COL25A1: variants seen among roughly 807,000 people sequenced by gnomAD.
COL25A1 encodes the protein collagen type XXV alpha 1 chain.
COL25A1 carries 103 observed loss-of-function variants against 128.4 expected under a neutral mutation model. The ratio of observed to expected loss-of-function variants is 0.80; its 90% CI spans 0.68 to 0.94. COL25A1 has a LOEUF of 0.94. Among genes scored for constraint, COL25A1 ranks in the 40% least tolerant of loss-of-function variants. The probability of loss-of-function intolerance (pLI) is 0.00; values close to 1 mark genes in which losing one functional copy is unlikely to be tolerated. For synonymous variants in COL25A1, 279 were observed against 277.2 expected, an observed-to-expected ratio of 1.01 and a Z score of -0.06; for missense variants, 745 against 840.0, an observed-to-expected ratio of 0.89 and a Z score of 1.40.
chr4:108,969,873 T>C (rs1193585193), intron 8 of COL25A1, among the ~76,000 whole-genome samples: 2 of 151,666 alleles, frequency 1.3e-5, no homozygotes, highest in African/African-American at 4.8e-5. Context: ...AATTGTATTC[T>C]ATAGCAGATG....
chr4:109,060,618 T>C (rs968022584), intron 3 of COL25A1, among the ~76,000 whole-genome samples: 3 of 151,782 alleles, frequency 2.0e-5, no homozygotes, highest in African/African-American at 7.3e-5. Flanking sequence ...CTCTCATTTG[T>C]CTAGGAAGTC....
At chr4:108,837,281 T>C (rs1379960023) in intron 31 of COL25A1, among the ~76,000 whole-genome samples, 3 of 152,174 alleles carry the variant, frequency 2.0e-5, no homozygotes, top group Non-Finnish European at 4.4e-5. Flanking sequence ...GTGTATAAAC[T>C]ATATTCTGTT....
rs569147899 is a variant in COL25A1, at chr4:108,847,676, T to C, written c.1434+1083A>G. On this transcript the variant is annotated intron_variant, in intron 27 of 37. Coordinates refer to ENST00000399132, the MANE Select transcript of COL25A1 (RefSeq NM_198721.4). ...CAAATTAATTGCTTATAATGACCAA[T>C]GGTCAGAGAAGTAACATAGACAGAC... 5.9e-5 allele frequency among the ~76,000 whole-genome samples: 9 copies of C among 152,278 alleles called. No individual in the cohort carries two copies. In the South Asian group the frequency reaches 1.9e-3, roughly 32 times the overall value.
rs372549266 is a variant in COL25A1, at chr4:109,044,942, T to A, written c.420+3226A>T. Among the ~76,000 whole-genome samples the A allele has an allele frequency of 1.5e-4, 23 of 152,208 alleles. No homozygotes were observed. In the South Asian group the frequency reaches 4.6e-3, roughly 30 times the overall value. On this transcript the variant is annotated intron_variant, in intron 5 of 37. Coordinates refer to ENST00000399132, the MANE Select transcript of COL25A1 (RefSeq NM_198721.4). Reference sequence around the variant, plus strand: ...TACAGTTGACCTTAAACAGCATGGGTTTGAACCACATTGGTCCACTTATAT... The same window carrying A: ...TACAGTTGACCTTAAACAGCATGGGATTGAACCACATTGGTCCACTTATAT...
At chr4:108,958,029 G>C (rs950022072) in intron 8 of COL25A1, among the ~76,000 whole-genome samples, 1 of 151,896 alleles carries the variant, frequency 6.6e-6, no homozygotes, top group Non-Finnish European at 1.5e-5. Flanking sequence ...CTACCATATA[G>C]GATTCTATTT....
chr4:108,915,213 A>G (rs1744728463), intron 13 of COL25A1, among the ~76,000 whole-genome samples: 1 of 152,244 alleles, frequency 6.6e-6, no homozygotes, highest in South Asian at 2.1e-4. Context: ...TTAGCAATCA[A>G]GGTGATCAAA....
chr4:109,277,679 G>T (rs1722970221), intron 3 of COL25A1, among the ~76,000 whole-genome samples: 1 of 152,036 alleles, frequency 6.6e-6, no homozygotes, highest in African/African-American at 2.4e-5. Context: ...AATACCCTGG[G>T]AATCTTCCAG....
intron 11 of COL25A1, among the ~76,000 whole-genome samples, chr4:108,931,993 G>A (rs769575244): frequency 1.3e-5 from 2 of 152,154 alleles, no homozygotes; most frequent in Non-Finnish European, 2.9e-5. Context: ...ACAAGATTTT[G>A]TTGCAAAATC....
intron 3 of COL25A1, among the ~76,000 whole-genome samples, chr4:109,082,030 G>C (rs1006064951): frequency 1.3e-4 from 20 of 152,108 alleles, no homozygotes; most frequent in Non-Finnish European, 2.9e-4. Flanking sequence ...TATCTCTACA[G>C]ATTTGTCTTT....
chr4:109,191,953 T>C (rs1775657236), intron 3 of COL25A1, among the ~76,000 whole-genome samples: 1 of 152,150 alleles, frequency 6.6e-6, no homozygotes, highest in African/African-American at 2.4e-5. Context: ...AGAAATAAAA[T>C]TAAGTGCAAC....
intron 11 of COL25A1, among the ~76,000 whole-genome samples, chr4:108,935,953 T>C (rs967319688): frequency 6.6e-6 from 1 of 152,066 alleles, no homozygotes; most frequent in Non-Finnish European, 1.5e-5. Context: ...AAAATCTGAG[T>C]AGTCTGTGCA....
intron 3 of COL25A1, among the ~76,000 whole-genome samples, chr4:109,258,339 C>T (rs1781213239): frequency 6.6e-6 from 1 of 152,126 alleles, no homozygotes; most frequent in South Asian, 2.1e-4. Flanking sequence ...AAACTGAATC[C>T]CAATATTGCC....
intron 11 of COL25A1, among the ~76,000 whole-genome samples, chr4:108,933,077 C>G (rs1746952897): frequency 6.6e-6 from 1 of 152,140 alleles, no homozygotes; most frequent in Non-Finnish European, 1.5e-5. Flanking sequence ...TGCAGGTTTT[C>G]TTTTTTATTC....
At chr4:108,996,638 T>C (rs925323009) in intron 6 of COL25A1, among the ~76,000 whole-genome samples, 5 of 152,192 alleles carry the variant, frequency 3.3e-5, no homozygotes, top group African/African-American at 1.2e-4. Flanking sequence ...GAAAGACATC[T>C]ACAGAACTCT....
At chr4:108,993,919 T>C (rs984688827) in intron 6 of COL25A1, among the ~76,000 whole-genome samples, 1 of 149,410 alleles carries the variant, frequency 6.7e-6, no homozygotes, top group Non-Finnish European at 1.5e-5. Flanking sequence ...AAAGAAAGCA[T>C]AGATCCTGCC....
chr4:109,178,776 A>C (rs994121079), intron 3 of COL25A1, among the ~76,000 whole-genome samples: 2 of 143,376 alleles, frequency 1.4e-5, no homozygotes, highest in African/African-American at 5.2e-5. Flanking sequence ...CAGACCTTGC[A>C]GTGAGCTGAG....
At chr4:108,913,076 T>C (rs2125886710) in intron 13 of COL25A1, among the ~76,000 whole-genome samples, 1 of 152,156 alleles carries the variant, frequency 6.6e-6, no homozygotes, top group African/African-American at 2.4e-5. Context: ...CTGATATTTA[T>C]CTTTTTTTTT....
chr4:109,203,179 T>C (rs1439982132), intron 3 of COL25A1, among the ~76,000 whole-genome samples: 10 of 151,942 alleles, frequency 6.6e-5, no homozygotes, highest in Admixed American at 5.3e-4. Flanking sequence ...AAATTACAGA[T>C]AGAAAAACAG....
intron 23 of COL25A1, among the ~76,000 whole-genome samples, chr4:108,860,445 A>G (rs1293063852): frequency 1.3e-5 from 2 of 152,102 alleles, no homozygotes; most frequent in African/African-American, 2.4e-5. Flanking sequence ...TGGCTTTCCC[A>G]TCAGGAATGA....
Sources: gnomAD v4.1 joint callset for allele counts (sites outside exome capture counted in the v4.1 genomes callset) on GRCh38, gnomAD v4.1.1 for gene constraint, MANE v1.5 for transcripts, NCBI Gene and HGNC (gene_info 2026-07-23, HGNC 2026-07-21) for gene names.